KRABD4: variants seen among roughly 807,000 people sequenced by gnomAD.
The protein encoded by KRABD4 is KRAB domain containing 4.
the KRABD4 span, among the ~76,000 whole-genome samples, chrX:46,452,907 C>T: frequency 8.9e-6 from 1 of 111,878 alleles, no homozygotes; most frequent in East Asian, 2.8e-4. Context: ...AAGAGTCGTG[C>T]ATTTTAATTT....
chrX:46,456,714 G>A, the KRABD4 span: 5 of 278,388 alleles, frequency 1.8e-5, no homozygotes, highest in South Asian at 4.4e-4. Flanking sequence ...ATTAGGGGTT[G>A]CCAGGGAGCA....
chrX:46,472,513 A>G, the KRABD4 span: 1 of 346,744 alleles, frequency 2.9e-6, no homozygotes, highest in Non-Finnish European at 4.9e-6. Context: ...TAATAAATTT[A>G]TTTTCTGGTT....
the KRABD4 span, chrX:46,455,037 A>T: frequency 2.8e-6 from 1 of 356,521 alleles, no homozygotes; most frequent in South Asian, 3.6e-5. Context: ...TGGAGTGTTT[A>T]CTATTTTCCT....
the KRABD4 span, chrX:46,462,871 G>A: frequency 9.1e-6 from 11 of 1,211,760 alleles, no homozygotes; most frequent in East Asian, 3.0e-5. Flanking sequence ...CCTGGTGTCC[G>A]TGGGTGAGGG....
At chrX:46,452,205 G>C in the KRABD4 span, among the ~76,000 whole-genome samples, 2 of 110,220 alleles carry the variant, frequency 1.8e-5, no homozygotes. Flanking sequence ...ACAATCACTC[G>C]TTTTCTCCTG....
chrX:46,472,401 C>T, the KRABD4 span: 1 of 182,814 alleles, frequency 5.5e-6, no homozygotes, highest in Non-Finnish European at 1.0e-5. Flanking sequence ...TAGAATTCAC[C>T]TCACACTCAT....
the KRABD4 span, among the ~76,000 whole-genome samples, chrX:46,451,895 C>T: frequency 8.9e-6 from 1 of 112,588 alleles, no homozygotes; most frequent in East Asian, 2.7e-4. Context: ...CAAATGGATA[C>T]ACATTGTAAA....
chrX:46,453,871 A>G, the KRABD4 span, among the ~76,000 whole-genome samples: 1 of 111,813 alleles, frequency 8.9e-6, no homozygotes, highest in South Asian at 3.7e-4. Flanking sequence ...CACAAATAAA[A>G]CCACAGTTTA....
chrX:46,457,542 G>A, the KRABD4 span, among the ~76,000 whole-genome samples: 85 of 110,172 alleles, frequency 7.7e-4, no homozygotes, highest in Middle Eastern at 4.2e-3. Context: ...CATGAAAACA[G>A]GGCTGATTTT....
the KRABD4 span, chrX:46,473,346 T>C: frequency 1.0e-5 from 12 of 1,182,934 alleles, no homozygotes; most frequent in Non-Finnish European, 1.4e-5. Flanking sequence ...ATGAATGCAG[T>C]GAATGTGGAA....
the KRABD4 span, chrX:46,463,403 G>T: frequency 1.3e-6 from 1 of 759,946 alleles, no homozygotes; most frequent in Non-Finnish European, 2.0e-6. Flanking sequence ...CGGACTTGTG[G>T]ACATGCCTAG....
the KRABD4 span, among the ~76,000 whole-genome samples, chrX:46,450,891 C>T: frequency 9.2e-6 from 1 of 109,089 alleles, no homozygotes; most frequent in Admixed American, 9.8e-5. Context: ...TTAGTAGAGA[C>T]GGGGCTTCAC....
the KRABD4 span, among the ~76,000 whole-genome samples, chrX:46,467,001 A>T: frequency 1.8e-5 from 2 of 111,948 alleles, no homozygotes; most frequent in African/African-American, 3.2e-5. Context: ...TCTTTCACTT[A>T]CCTTAATGCA....
chrX:46,455,132 G>T, the KRABD4 span: 1 of 732,691 alleles, frequency 1.4e-6, no homozygotes, highest in Non-Finnish European at 2.0e-6. Context: ...AGGTTTACAG[G>T]AGACAAGGAT....
At chrX:46,461,816 GT>G in the KRABD4 span, among the ~76,000 whole-genome samples, 7 of 111,483 alleles carry the variant, frequency 6.3e-5, no homozygotes, top group South Asian at 7.6e-4. Context: ...TGTGTCCCCT[GT>G]GAAGGCTGCT....
At chrX:46,460,757 G>A in the KRABD4 span, among the ~76,000 whole-genome samples, 3 of 107,844 alleles carry the variant, frequency 2.8e-5, no homozygotes, top group Non-Finnish European at 5.7e-5. Context: ...TTAGTGCTGG[G>A]ATCACAGGAG....
At chrX:46,471,100 A>G in the KRABD4 span, 5 of 1,150,551 alleles carry the variant, frequency 4.3e-6, no homozygotes, top group Non-Finnish European at 4.6e-6. Context: ...AAAGTGTTGA[A>G]GTCTCCAACA....
chrX:46,472,631 C>A, the KRABD4 span: 1 of 825,555 alleles, frequency 1.2e-6, no homozygotes, highest in Non-Finnish European at 1.7e-6. Flanking sequence ...GGTCCATCCA[C>A]ATCAGCTCAA....
At chrX:46,456,056 C>G in the KRABD4 span, 1 of 357,841 alleles carries the variant, frequency 2.8e-6, no homozygotes, top group Non-Finnish European at 5.4e-6. Flanking sequence ...CTACTCTTCA[C>G]TAAGTCCAAG....
Sources: gnomAD v4.1 joint callset for allele counts (sites outside exome capture counted in the v4.1 genomes callset) on GRCh38, gnomAD v4.1.1 for gene constraint, MANE v1.5 for transcripts, NCBI Gene and HGNC (gene_info 2026-07-23, HGNC 2026-07-21) for gene names.